ZSCAN31: variants seen among roughly 807,000 people sequenced by gnomAD.
The protein encoded by ZSCAN31 is zinc finger and SCAN domain containing 31.
Under a neutral mutation model 22.5 loss-of-function variants are expected in ZSCAN31, and 14 were observed. That is an observed-to-expected ratio of 0.62 (90% CI 0.41 to 0.97). The LOEUF (loss-of-function observed/expected upper bound fraction) is 0.97. Among genes scored for constraint, ZSCAN31 ranks in the 50% least tolerant of loss-of-function variants. The pLI, the probability that ZSCAN31 is intolerant of heterozygous loss-of-function variation, is 0.00. For missense variants in ZSCAN31, 424 were observed against 483.4 expected (o/e 0.88, Z 1.15); for synonymous variants, 168 against 169.8 (o/e 0.99, Z 0.08).
intron 1 of ZSCAN31, among the ~76,000 whole-genome samples, chr6:28,330,134 A>G (rs763439151): frequency 6.6e-6 from 1 of 152,198 alleles, no homozygotes; most frequent in Non-Finnish European, 1.5e-5. Context: ...TGAAACTGCC[A>G]GAAGAAGGAT....
intron 1 of ZSCAN31, among the ~76,000 whole-genome samples, chr6:28,332,690 T>C (rs2074450970): frequency 6.6e-6 from 1 of 152,220 alleles, no homozygotes; most frequent in Admixed American, 6.5e-5. Context: ...TGACTTCATA[T>C]GTTAATAGTC....
At chr6:28,339,894 ATTG>A (rs1764346089), upstream of ZSCAN31, among the ~76,000 whole-genome samples, 1 of 150,064 alleles carries the variant, frequency 6.7e-6, no homozygotes, top group Non-Finnish European at 1.5e-5. Flanking sequence ...ATGTAAACAC[ATTG>A]CTAGGTATCA....
intron 1 of ZSCAN31, among the ~76,000 whole-genome samples, chr6:28,332,631 T>C (rs902956931): frequency 3.3e-5 from 5 of 152,246 alleles, no homozygotes; most frequent in African/African-American, 1.2e-4. Flanking sequence ...TATTAGTAAA[T>C]TGAATATCTT....
At chr6:28,341,163 A>G (rs1764395885) in intron 3 of ZSCAN31, among the ~76,000 whole-genome samples, 1 of 152,202 alleles carries the variant, frequency 6.6e-6, no homozygotes, top group Non-Finnish European at 1.5e-5. Flanking sequence ...GAATCAAGTT[A>G]AAAAGTTGCA....
rs1763750823 is a variant in ZSCAN31 at position 28,331,627 on chromosome 6, T to C, written c.-95-1849A>G. ...TTTTACTCCTTACTGTAGCATCTGG[T>C]AATTTGGTTTGTTGAGTCTTCAGTG... On this transcript the variant is annotated intron_variant, in intron 1 of 3. Coordinates refer to ENST00000344279, the MANE Select transcript of ZSCAN31 (RefSeq NM_030899.5). This position sits in a 1 kb window ranked among gnomAD's most constrained non-coding sequence, Gnocchi z 4.8. Among the ~76,000 whole-genome samples the C allele has an allele frequency of 6.6e-6, 1 of 152,234 alleles. No homozygotes were observed. The highest frequency in any genetic ancestry group is 6.5e-5 in the Admixed American group (1 of 15,280).
chr6:28,352,012 G>C (rs1180173121), intron 2 of ZSCAN31, among the ~76,000 whole-genome samples: 3 of 147,178 alleles, frequency 2.0e-5, no homozygotes, highest in Non-Finnish European at 4.6e-5. Flanking sequence ...TTTTACAGTT[G>C]TTGTTTTCAG....
chr6:28,330,832 G>C (rs1763682709), intron 1 of ZSCAN31, among the ~76,000 whole-genome samples: 2 of 152,024 alleles, frequency 1.3e-5, no homozygotes, highest in Admixed American at 1.3e-4. Flanking sequence ...TTTCTGACAG[G>C]GTATGGAATA....
At chr6:28,341,018 T>G (rs1335978374), upstream of ZSCAN31, among the ~76,000 whole-genome samples, 1 of 152,228 alleles carries the variant, frequency 6.6e-6, no homozygotes, top group Non-Finnish European at 1.5e-5. Flanking sequence ...TTGAAGGACA[T>G]TTCCACTGGA....
Position 28,347,918 on chromosome 6 carries a change from T to G in ZSCAN31, c.-371+5944A>C, listed in dbSNP as rs1335055154. ...CATTCTTATCAGCAAATGTTATTAC[T>G]CAGGTGTTGGTATAAAATGATTTAA... is the stretch of plus-strand genomic sequence containing the variant. On this transcript the variant is annotated intron_variant, in intron 2 of 7. Transcript: ENST00000396838. The surrounding 1 kb of genome is among the most constrained non-coding windows in gnomAD (Gnocchi z 5.2). Among the ~76,000 whole-genome samples the G allele has an allele frequency of 6.6e-6, 1 of 152,254 alleles. No individual in the cohort carries two copies. The highest frequency in any genetic ancestry group is 2.4e-5 in the African/African-American group (1 of 41,472).
intron 2 of ZSCAN31, 135 bp downstream of exon 2, chr6:28,329,168 G>A: frequency 9.3e-7 from 1 of 1,079,802 alleles, no homozygotes; most frequent in Non-Finnish European, 1.3e-6. Flanking sequence ...CCATAGTCTT[G>A]GCCATTAAGG....
chr6:28,354,151 G>T (rs988218907), exon 1 of ZSCAN31: 5 of 357,860 alleles, frequency 1.4e-5, no homozygotes, highest in Non-Finnish European at 2.8e-5. Context: ...CTGCAAGATG[G>T]CCAGTTCTCT....
intron 2 of ZSCAN31, among the ~76,000 whole-genome samples, chr6:28,346,611 C>A (rs1764656971): frequency 6.6e-6 from 1 of 152,110 alleles, no homozygotes; most frequent in African/African-American, 2.4e-5. Flanking sequence ...CCCATCTCAG[C>A]CTCTCAAAGT....
chr6:28,329,968 C>G (rs557701069), intron 1 of ZSCAN31, among the ~76,000 whole-genome samples, 190 bp from the exon 2 acceptor site: 1 of 152,140 alleles, frequency 6.6e-6, no homozygotes, highest in Non-Finnish European at 1.5e-5. Flanking sequence ...ATTCTTCCCC[C>G]TTCCCTATAG....
At chr6:28,348,084 C>T (rs1351470528) in intron 2 of ZSCAN31, among the ~76,000 whole-genome samples, 1 of 151,540 alleles carries the variant, frequency 6.6e-6, no homozygotes, top group African/African-American at 2.4e-5. Context: ...CTCTCTTATT[C>T]ATTTGTAGAT....
In ZSCAN31 at chr6:28,349,741, A is replaced by G. The variant is rs1764843060; in HGVS notation, c.-371+4121T>C. Among the ~76,000 whole-genome samples the G allele has an allele frequency of 6.6e-6, 1 of 152,158 alleles. No homozygotes were observed. The highest frequency in any genetic ancestry group is 1.5e-5 in the Non-Finnish European group (1 of 68,022). ...ATTTAGATTCTTTTTACTCTCTTCTATTCGCAAATATAGCAAATTATGAAA... is the reference window on the plus strand; with the variant it reads ...ATTTAGATTCTTTTTACTCTCTTCTGTTCGCAAATATAGCAAATTATGAAA... On this transcript the variant is annotated intron_variant, in intron 2 of 7. Transcript: ENST00000396838. The surrounding 1 kb of genome is among the most constrained non-coding windows in gnomAD (Gnocchi z 4.1).
At chr6:28,353,593 A>G (rs971678111) in intron 2 of ZSCAN31, 6 of 272,062 alleles carry the variant, frequency 2.2e-5, no homozygotes, top group Non-Finnish European at 3.7e-5. Flanking sequence ...TTAGGAAGCA[A>G]GAAAATCACT....
At chr6:28,334,813 G>C (rs1387641263) in intron 1 of ZSCAN31, among the ~76,000 whole-genome samples, 1 of 152,216 alleles carries the variant, frequency 6.6e-6, no homozygotes, top group African/African-American at 2.4e-5. Flanking sequence ...ATTTAAACAT[G>C]AACTAGGTGT....
At chr6:28,348,232 A>T (rs1467428546) in intron 2 of ZSCAN31, among the ~76,000 whole-genome samples, 1 of 152,116 alleles carries the variant, frequency 6.6e-6, no homozygotes, top group Non-Finnish European at 1.5e-5. Context: ...AATGAGGTCA[A>T]ATTTATTTAT....
intron 1 of ZSCAN31, among the ~76,000 whole-genome samples, chr6:28,332,616 A>G (rs543103967): frequency 1.5e-4 from 23 of 152,378 alleles, no homozygotes; most frequent in Middle Eastern, 3.4e-3. Flanking sequence ...TTATTAGTAA[A>G]GTAGTATTAG....
Sources: gnomAD v4.1 joint callset for allele counts (sites outside exome capture counted in the v4.1 genomes callset) on GRCh38, gnomAD v4.1.1 for gene constraint, Gnocchi (gnomAD v3.1) non-coding constraint, MANE v1.5 for transcripts, NCBI Gene and HGNC (gene_info 2026-07-23, HGNC 2026-07-21) for gene names.